PTPN12: variants seen among roughly 807,000 people sequenced by gnomAD.
PTPN12 encodes the protein protein tyrosine phosphatase non-receptor type 12.
In PTPN12, 29 loss-of-function variants were observed where a neutral mutation model predicts 97.6. The observed-to-expected ratio is 0.30, with a 90% CI of 0.22 to 0.41. The LOEUF (loss-of-function observed/expected upper bound fraction) is 0.41. Ranked by LOEUF, PTPN12 falls within the 10% of genes least tolerant of loss-of-function variation. The pLI, the probability that PTPN12 is intolerant of heterozygous loss-of-function variation, is 1.00. For missense variants in PTPN12, 819 were observed against 926.0 expected, an observed-to-expected ratio of 0.88 and a Z score of 1.50; for synonymous variants, 327 against 300.4, an observed-to-expected ratio of 1.09 and a Z score of -0.91.
chr7:77,595,810 G>A (rs190650199), intron 6 of PTPN12, among the ~76,000 whole-genome samples: 150 of 152,134 alleles, frequency 9.9e-4, no homozygotes, highest in Middle Eastern at 3.4e-3. Flanking sequence ...CATAATCCTT[G>A]TTCTAAACTA....
intron 8 of PTPN12, among the ~76,000 whole-genome samples, chr7:77,605,406 TG>T (rs1788327569): frequency 1.5e-5 from 2 of 137,614 alleles, no homozygotes; most frequent in East Asian, 2.1e-4. Context: ...ACTTTTGTCA[TG>T]AGTTTTTTTT....
At chr7:77,556,881 G>A (rs569417812) in intron 1 of PTPN12, among the ~76,000 whole-genome samples, 2 of 152,046 alleles carry the variant, frequency 1.3e-5, no homozygotes, top group Admixed American at 1.3e-4. Context: ...TACTTACTAT[G>A]AGAACCTGGT....
In PTPN12 at chr7:77,537,711, C is replaced by T. The variant is rs1806723920; in HGVS notation, c.99+66C>T. ...CGGAGCCCATCGCCGCCTCTCCCGG[C>T]CGGGCCGCCAGTGCTTTGTGTACCT... is the stretch of plus-strand genomic sequence containing the variant. On this transcript the variant is annotated intron_variant, in intron 1 of 17. Coordinates refer to ENST00000248594, the MANE Select transcript of PTPN12 (RefSeq NM_002835.4). 12 of 1,501,900 alleles carry T rather than the reference C, an allele frequency of 8.0e-6. No homozygotes were observed. In the South Asian group the frequency reaches 1.3e-4, roughly 16 times the overall value. The allele number at this position is 1,501,900 out of a possible 1,614,324, so 93.0% of individuals were successfully genotyped here. A position where few individuals can be genotyped will look rare whatever the true frequency, so the allele number is the denominator to read the frequency against.
intron 11 of PTPN12, among the ~76,000 whole-genome samples, chr7:77,616,551 C>T (rs1351150748): frequency 6.6e-6 from 1 of 152,302 alleles, no homozygotes; most frequent in South Asian, 2.1e-4. Context: ...CAATATTACA[C>T]TCACTTGGCA....
At position 77,629,564 on chromosome 7, in the gene PTPN12, T is replaced by TA. The variant is rs1194660863; in HGVS notation, c.1996+1897dup. 6.0e-4 allele frequency among the ~76,000 whole-genome samples: 91 copies of TA among 151,084 alleles called. 1 individual carries two copies. Among genetic ancestry groups the TA allele is most frequent in the African/African-American group, 2.0e-3 (84 of 41,216 alleles). On this transcript the variant is annotated intron_variant, in intron 13 of 17. Coordinates refer to ENST00000248594, the MANE Select transcript of PTPN12 (RefSeq NM_002835.4). ...TGTTTTGTTCTTTTGCTTTTTTTTT[T>TA]AAAAAAAACCAAAAAACCATTACTG... is the stretch of plus-strand genomic sequence containing the variant.
intron 8 of PTPN12, among the ~76,000 whole-genome samples, chr7:77,606,387 C>A (rs915934883): frequency 6.6e-6 from 1 of 152,222 alleles, no homozygotes; most frequent in Admixed American, 6.5e-5. Flanking sequence ...CTTGGAAGTT[C>A]CTTAAATTAA....
At chr7:77,606,926 T>C (rs1250599658) in intron 8 of PTPN12, 1 of 185,208 alleles carries the variant, frequency 5.4e-6, no homozygotes, top group Non-Finnish European at 1.1e-5. Context: ...TGACTAGTGA[T>C]AGATTGTTAT....
At chr7:77,548,452 T>C (rs1807325271) in intron 1 of PTPN12, among the ~76,000 whole-genome samples, 5 of 152,234 alleles carry the variant, frequency 3.3e-5, no homozygotes, top group Admixed American at 3.3e-4. Flanking sequence ...TTGGTTTTAC[T>C]CCTGACGTCA....
chr7:77,553,945 C>CTT (rs56333533), intron 1 of PTPN12, among the ~76,000 whole-genome samples: 7 of 147,314 alleles, frequency 4.8e-5, no homozygotes, highest in African/African-American at 7.5e-5. Flanking sequence ...AGTTTTACTT[C>CTT]TTTTTTTTTT....
chr7:77,567,541 T>C (rs1808313774), intron 1 of PTPN12, among the ~76,000 whole-genome samples: 1 of 152,108 alleles, frequency 6.6e-6, no homozygotes, highest in African/African-American at 2.4e-5. Flanking sequence ...TTTTTTAAAG[T>C]AGAATCTTAG....
intron 6 of PTPN12, among the ~76,000 whole-genome samples, chr7:77,594,364 C>T (rs1205481485): frequency 6.6e-6 from 1 of 152,154 alleles, no homozygotes; most frequent in Admixed American, 6.5e-5. Context: ...CCAATACACA[C>T]CACACTGTCT....
chr7:77,623,432 C>T (rs551064870), intron 12 of PTPN12, among the ~76,000 whole-genome samples: 2 of 152,332 alleles, frequency 1.3e-5, no homozygotes, highest in African/African-American at 4.8e-5. Context: ...GTCATGAGGC[C>T]GGGCATGGTG....
chr7:77,634,002 A>G (rs1443141563), intron 14 of PTPN12, among the ~76,000 whole-genome samples: 2 of 152,102 alleles, frequency 1.3e-5, no homozygotes, highest in Non-Finnish European at 2.9e-5. Context: ...CAGCCTGGGC[A>G]ACAAGAGCAA....
chr7:77,595,460 G>C (rs1472255931), intron 6 of PTPN12, among the ~76,000 whole-genome samples: 3 of 152,152 alleles, frequency 2.0e-5, no homozygotes, highest in Non-Finnish European at 2.9e-5. Flanking sequence ...GTTAGCAGGA[G>C]CTCAATCACA....
chr7:77,583,452 A>T, intron 3 of PTPN12, 103 bp from the exon 4 acceptor site: 1 of 736,802 alleles, frequency 1.4e-6, no homozygotes, highest in South Asian at 1.8e-5. Context: ...GGTTTAAGTT[A>T]AAACAACAAT....
intron 11 of PTPN12, among the ~76,000 whole-genome samples, 185 bp from the exon 12 acceptor site, chr7:77,618,295 A>G (rs1471619569): frequency 6.6e-6 from 1 of 152,008 alleles, no homozygotes; most frequent in Middle Eastern, 3.4e-3. Context: ...TTTTGATACA[A>G]TCTCTCCATT....
chr7:77,588,063 G>C (rs1295000594), intron 5 of PTPN12, among the ~76,000 whole-genome samples: 1 of 152,132 alleles, frequency 6.6e-6, no homozygotes, highest in Non-Finnish European at 1.5e-5. Flanking sequence ...TAAGCAATAA[G>C]GCTGTTTGAC....
intron 12 of PTPN12, among the ~76,000 whole-genome samples, chr7:77,624,820 C>T (rs900963851): frequency 6.6e-6 from 1 of 151,892 alleles, no homozygotes; most frequent in African/African-American, 2.4e-5. Flanking sequence ...AGGTTGATCA[C>T]CTGGGGGGAG....
At chr7:77,612,094 T>C (rs1190765998) in intron 11 of PTPN12, among the ~76,000 whole-genome samples, 1 of 152,096 alleles carries the variant, frequency 6.6e-6, no homozygotes, top group African/African-American at 2.4e-5. Context: ...ATAACCTTCA[T>C]TTTCCTTTTC....
Sources: allele counts gnomAD v4.1 joint callset (sites outside exome capture counted in the v4.1 genomes callset), GRCh38; gene constraint gnomAD v4.1.1; transcripts MANE v1.5; gene names NCBI Gene and HGNC (gene_info 2026-07-23, HGNC 2026-07-21).